Variants in CDC20B observed in about 807,000 individuals in gnomAD.
The protein encoded by CDC20B is cell division cycle protein 20 homolog B.
Under a neutral mutation model 64.1 loss-of-function variants are expected in CDC20B, and 58 were observed. The observed-to-expected ratio is 0.90, with a 90% confidence interval of 0.73 to 1.13. The LOEUF is 1.13. CDC20B is among the 50% of genes most tolerant of loss of function. The probability of loss-of-function intolerance (pLI) is 0.00; values close to 1 mark genes in which losing one functional copy is unlikely to be tolerated. For missense variants in CDC20B, 597 were observed against 633.0 expected, an observed-to-expected ratio of 0.94 and a Z score of 0.61; for synonymous variants, 243 against 230.6, an observed-to-expected ratio of 1.05 and a Z score of -0.49.
Position 55,124,868 on chromosome 5 carries a change from G to A in CDC20B, c.1150C>T (p.His384Tyr), listed in dbSNP as rs764485437. 3.1e-6 allele frequency: 5 copies of A among 1,614,172 alleles called. No homozygotes were observed. Among genetic ancestry groups the A allele is most frequent in the South Asian group, 1.1e-5 (1 of 91,086 alleles). Residue 384 changes from histidine (H) to tyrosine (Y), a missense_variant, in exon 9 of 12, where the codon CAC (histidine) becomes TAC (tyrosine). Physicochemically the swap from His to Tyr is moderately conservative, Grantham distance 83. This residue lies in a region of CDC20B where 353 missense variants were observed against 397.0 expected (regional missense o/e 0.89). Transcript: ENST00000381375. ...CSDGLLTIWP[H>Y]DPGASAQGQP... ...CCCTGTGCACTGGCACCTGGATCGT[G>A]GGGCCATATTGTCAGCAGTCCATCA...
At chr5:55,132,405 C>A (rs563116575) in intron 6 of CDC20B, among the ~76,000 whole-genome samples, 31 of 152,270 alleles carry the variant, frequency 2.0e-4, no homozygotes, top group African/African-American at 7.2e-4. Flanking sequence ...CAACTACCAG[C>A]ATTCGTTTCA....
At chr5:55,171,129 C>A (rs772381790) in intron 2 of CDC20B, among the ~76,000 whole-genome samples, 1 of 152,174 alleles carries the variant, frequency 6.6e-6, no homozygotes, top group African/African-American at 2.4e-5. Context: ...GCCTGGCCAA[C>A]ATGGTGAAAC....
At chr5:55,125,405 T>C (rs550035844) in intron 8 of CDC20B, among the ~76,000 whole-genome samples, 124 of 152,350 alleles carry the variant, frequency 8.1e-4, no homozygotes, top group South Asian at 2.3e-3. Context: ...ATATTTCAGA[T>C]TATCTCAACA....
In CDC20B at chr5:55,124,832, T is replaced by C. The variant is rs149236400; in HGVS notation, c.1186A>G (p.Lys396Glu). 1.9e-6 allele frequency: 3 copies of C among 1,614,162 alleles called. No homozygotes were observed. The highest frequency in any genetic ancestry group is 2.5e-6 in the Non-Finnish European group (3 of 1,179,976). ...ACTGCCGTAGACTGGGTTATGACTT[T>C]CAGCGGTTGGCCCTGTGCACTGGCA... ...PGASAQGQPL[K>E]VITQSTAVKA... Residue 396 changes from lysine (K) to glutamate (E), a missense_variant, in exon 9 of 12, where the codon AAA (lysine) becomes GAA (glutamate). Lys to Glu is a moderately conservative substitution (Grantham distance 56). Around this residue, in one of 3 missense-constraint regions of CDC20B, gnomAD observed 353 missense variants for 397.0 expected, o/e 0.89. Coordinates refer to ENST00000381375, the MANE Select transcript of CDC20B (RefSeq NM_001170402.1).
chr5:55,125,849 T>C (rs919675672), intron 8 of CDC20B, among the ~76,000 whole-genome samples: 13 of 152,222 alleles, frequency 8.5e-5, no homozygotes, highest in African/African-American at 3.1e-4. Context: ...TTATTCCAAC[T>C]CCATCACTTA....
rs768245876 is a variant in CDC20B at position 55,146,688 on chromosome 5, G to A, written c.295C>T (p.Leu99Phe). 2 of 1,614,182 alleles carry A rather than the reference G, an allele frequency of 1.2e-6. No individual in the cohort carries two copies. The highest frequency in any genetic ancestry group is 1.1e-5 in the South Asian group (1 of 91,084). ...SFGEEQSTTY[L>F]PEASGSVLKT... ...AGCACTGATCCGGAAGCTTCTGGGA[G>A]GTAGGTGGTTGACTGCTCTTCCCCA... Residue 99 changes from leucine (L) to phenylalanine (F), a missense_variant, in exon 3 of 12, where the codon CTC (leucine) becomes TTC (phenylalanine). By Grantham distance (22) the Leu-to-Phe change is conservative. Transcript: ENST00000381375.
At chr5:55,158,994 T>A (rs982048185) in intron 2 of CDC20B, among the ~76,000 whole-genome samples, 4 of 152,166 alleles carry the variant, frequency 2.6e-5, no homozygotes, top group Non-Finnish European at 5.9e-5. Context: ...TACTTTATTA[T>A]CGAGTTCAAT....
At chr5:55,145,783 T>C (rs1424129847) in intron 3 of CDC20B, among the ~76,000 whole-genome samples, 2 of 151,540 alleles carry the variant, frequency 1.3e-5, no homozygotes, top group African/African-American at 4.8e-5. Flanking sequence ...TTTCTCTTTG[T>C]CTCTCTCCCC....
At chr5:55,147,035 T>G (rs1275483197) in intron 2 of CDC20B, among the ~76,000 whole-genome samples, 179 bp from the exon 3 acceptor site, 1 of 148,310 alleles carries the variant, frequency 6.7e-6, no homozygotes, top group Non-Finnish European at 1.5e-5. Flanking sequence ...TATTTTTGTA[T>G]ATAGTTATAC....
Position 55,114,304 on chromosome 5 carries a change from C to T in CDC20B, c.1474G>A (p.Val492Met). 2.5e-6 allele frequency: 4 copies of T among 1,613,846 alleles called. No homozygotes were observed. The highest frequency in any genetic ancestry group is 1.3e-5 in the African/African-American group (1 of 75,038). ...TCTGGACTCAAAGACAGGTGCAGCA[C>T]TCTGCCCCTGTGGCCTGGGGGAAGA... ...SGGFFGHRGR[V>M]LHLSLSPDQT... is the part of the protein sequence containing the mutation. The change falls in exon 12 of 12, where the codon GTG becomes ATG. Residue 492 changes from valine to methionine, a missense_variant. This residue lies in a region of CDC20B where 353 missense variants were observed against 397.0 expected (regional missense o/e 0.89). Coordinates refer to ENST00000381375, the MANE Select transcript of CDC20B (RefSeq NM_001170402.1). This position sits in a 1 kb window ranked among gnomAD's most constrained non-coding sequence, Gnocchi z 4.1.
At chr5:55,161,173 A>C in intron 2 of CDC20B, 1 of 1,614,216 alleles carries the variant, frequency 6.2e-7, no homozygotes, top group South Asian at 1.1e-5. Flanking sequence ...TTGCAAGAAA[A>C]AACTACGGAG....
intron 9 of CDC20B, among the ~76,000 whole-genome samples, chr5:55,123,938 C>A (rs1742816359): frequency 6.6e-6 from 1 of 152,066 alleles, no homozygotes; most frequent in African/African-American, 2.4e-5. Flanking sequence ...TATTAGGAAG[C>A]CCTGTAATAA....
chr5:55,162,771 C>A (rs1301095329), intron 2 of CDC20B, among the ~76,000 whole-genome samples: 1 of 152,226 alleles, frequency 6.6e-6, no homozygotes, highest in Non-Finnish European at 1.5e-5. Context: ...TGCAATAGCT[C>A]ATAGGTTATT....
At chr5:55,137,323 G>T in intron 5 of CDC20B, 1 of 327,750 alleles carries the variant, frequency 3.1e-6, no homozygotes, top group Non-Finnish European at 6.0e-6. Flanking sequence ...ACCATCCAAA[G>T]TTTCCTACCA....
intron 9 of CDC20B, 140 bp from the exon 10 acceptor site, chr5:55,120,690 G>T: frequency 1.1e-6 from 1 of 917,970 alleles, no homozygotes; most frequent in Non-Finnish European, 1.7e-6. Context: ...AAAGGCAGGA[G>T]CAACTGCACC....
chr5:55,166,346 C>G (rs1744384403), intron 2 of CDC20B: 1 of 152,276 alleles, frequency 6.6e-6, no homozygotes, highest in African/African-American at 2.4e-5. Flanking sequence ...TCTTCACTTA[C>G]ATCTCTCTAA....
intron 2 of CDC20B, among the ~76,000 whole-genome samples, chr5:55,151,605 C>T (rs1315356742): frequency 1.3e-5 from 2 of 152,210 alleles, no homozygotes; most frequent in African/African-American, 4.8e-5. Context: ...GCGAAAACAA[C>T]ATGAGAAGTT....
chr5:55,148,251 AT>A (rs1743553863), intron 2 of CDC20B, among the ~76,000 whole-genome samples: 1 of 152,182 alleles, frequency 6.6e-6, no homozygotes, highest in South Asian at 2.1e-4. Flanking sequence ...GTTAGCAATA[AT>A]TTTTTTGTGA....
At chr5:55,141,482 T>C (rs1032068182) in intron 4 of CDC20B, among the ~76,000 whole-genome samples, 1 of 152,138 alleles carries the variant, frequency 6.6e-6, no homozygotes, top group Non-Finnish European at 1.5e-5. Flanking sequence ...ATAACTATAG[T>C]GGTGAGCTTC....
Sources: allele counts gnomAD v4.1 joint callset (sites outside exome capture counted in the v4.1 genomes callset), GRCh38; gene constraint gnomAD v4.1.1; regional missense constraint gnomAD v4.1.1; non-coding constraint Gnocchi (gnomAD v3.1); transcripts MANE v1.5; gene names NCBI Gene and HGNC (gene_info 2026-07-23, HGNC 2026-07-21).